BICC1: variants seen among roughly 807,000 people sequenced by gnomAD.
The protein encoded by BICC1 is BicC family RNA binding protein 1.
In BICC1, 43 loss-of-function variants were observed where a neutral mutation model predicts 111.0. The observed-to-expected ratio is 0.39, with a 90% CI of 0.30 to 0.50. The LOEUF is 0.50. Ranked by LOEUF, BICC1 falls within the 20% of genes least tolerant of loss-of-function variation. The pLI, the probability that BICC1 is intolerant of heterozygous loss-of-function variation, is 0.88. For missense variants in BICC1, 1,091 were observed against 1,203.2 expected (o/e 0.91, Z 1.38); for synonymous variants, 467 against 434.4 (o/e 1.07, Z -0.93).
chr10:58,693,009 C>G (rs909771012), intron 2 of BICC1, among the ~76,000 whole-genome samples: 1 of 152,246 alleles, frequency 6.6e-6, no homozygotes, highest in African/African-American at 2.4e-5. Context: ...TATCCCTCCC[C>G]ACTCTGCCCA....
At chr10:58,539,334 T>C (rs1261802536) in intron 1 of BICC1, among the ~76,000 whole-genome samples, 1 of 151,566 alleles carries the variant, frequency 6.6e-6, no homozygotes, top group Non-Finnish European at 1.5e-5. Context: ...GTTTCTAAGC[T>C]TATGGATATG....
intron 1 of BICC1, 133 bp downstream of exon 1, chr10:58,513,466 G>A (rs1426209771): frequency 2.5e-5 from 21 of 835,364 alleles, no homozygotes; most frequent in East Asian, 3.2e-5. Flanking sequence ...GCTCCCCCGC[G>A]GAGCCGGAGG....
intron 3 of BICC1, among the ~76,000 whole-genome samples, chr10:58,722,835 TTGAG>T (rs1840981298): frequency 6.6e-6 from 1 of 152,146 alleles, no homozygotes; most frequent in Non-Finnish European, 1.5e-5. Flanking sequence ...GGAAGCTTAT[TTGAG>T]TGAGCTTCTA....
intron 1 of BICC1, among the ~76,000 whole-genome samples, chr10:58,586,239 A>G (rs1844422753): frequency 6.6e-6 from 1 of 152,146 alleles, no homozygotes; most frequent in Non-Finnish European, 1.5e-5. Context: ...TTATTATTAT[A>G]TGTCTGCTAC....
At chr10:58,527,672 A>C (rs1162837603) in intron 1 of BICC1, among the ~76,000 whole-genome samples, 1 of 152,074 alleles carries the variant, frequency 6.6e-6, no homozygotes, top group Non-Finnish European at 1.5e-5. Flanking sequence ...CCATTTATTA[A>C]ATAGGGAATC....
intron 2 of BICC1, among the ~76,000 whole-genome samples, chr10:58,677,674 T>A (rs1173427172): frequency 6.6e-6 from 1 of 152,036 alleles, no homozygotes; most frequent in Non-Finnish European, 1.5e-5. Flanking sequence ...TAGGCCAACA[T>A]TCAAATTCAG....
At position 58,721,075 on chromosome 10, in the gene BICC1, C is replaced by T. The variant is rs555922018; in HGVS notation, c.307+18932C>T. 5.8e-4 allele frequency among the ~76,000 whole-genome samples: 89 copies of T among 152,300 alleles called. 1 individual carries two copies. The highest frequency in any genetic ancestry group is 1.0e-3 in the South Asian group (5 of 4,822). On this transcript the variant is annotated intron_variant, in intron 3 of 20. Transcript: ENST00000373886. ...ATTTACTCTTGCTGCAGAGCAGCCT[C>T]GAAGTATAACCTTTACTCAGTGAAG...
intron 2 of BICC1, among the ~76,000 whole-genome samples, chr10:58,655,853 G>A (rs549301700): frequency 4.0e-5 from 6 of 151,112 alleles, no homozygotes; most frequent in East Asian, 3.9e-4. Context: ...TTTGAAATAT[G>A]TCCCATCAAT....
At chr10:58,609,310 A>G (rs1845336167) in intron 1 of BICC1, among the ~76,000 whole-genome samples, 1 of 152,230 alleles carries the variant, frequency 6.6e-6, no homozygotes, top group Non-Finnish European at 1.5e-5. Flanking sequence ...AAACAGATAG[A>G]ACTTTGATTT....
intron 1 of BICC1, among the ~76,000 whole-genome samples, chr10:58,565,402 C>T (rs1339157688): frequency 6.6e-6 from 1 of 152,146 alleles, no homozygotes; most frequent in African/African-American, 2.4e-5. Flanking sequence ...ATCCTGTCCT[C>T]AGAGGAGCTG....
intron 1 of BICC1, among the ~76,000 whole-genome samples, 178 bp from the exon 2 acceptor site, chr10:58,620,677 A>G (rs1845773325): frequency 1.3e-5 from 2 of 152,196 alleles, no homozygotes; most frequent in South Asian, 4.1e-4. Flanking sequence ...TAATTGATGG[A>G]TTGGATTGCT....
At position 58,620,851 on chromosome 10, in the gene BICC1, A is replaced by G. The variant is rs767252870; in HGVS notation, c.191-4A>G. The stretch of plus-strand genomic sequence containing the variant: ...ATTTTAAATGTGCACATTTTTATTT[A>G]CAGCTGCTGCTGAAGGGAAAGGCAG... On this transcript the variant is annotated splice_polypyrimidine_tract_variant and splice_region_variant and intron_variant, in intron 1 of 20. Coordinates refer to ENST00000373886, the MANE Select transcript of BICC1 (RefSeq NM_001080512.3). 1 of 1,611,994 alleles carries G rather than the reference A, an allele frequency of 6.2e-7. No homozygotes were observed. The highest frequency in any genetic ancestry group is 8.5e-7 in the Non-Finnish European group (1 of 1,179,462).
intron 12 of BICC1, 76 bp from the exon 13 acceptor site, chr10:58,800,118 A>G: frequency 8.4e-7 from 1 of 1,195,344 alleles, no homozygotes; most frequent in Non-Finnish European, 1.2e-6. Flanking sequence ...GCTGTTATAA[A>G]TGGGATTGTG....
intron 1 of BICC1, among the ~76,000 whole-genome samples, chr10:58,572,187 G>A (rs572447030): frequency 5.4e-4 from 82 of 151,756 alleles, no homozygotes; most frequent in Non-Finnish European, 9.0e-4. Context: ...TTTTTTTCTC[G>A]TAAATTTGTC....
chr10:58,644,897 G>A (rs1345778126), intron 2 of BICC1, among the ~76,000 whole-genome samples: 1 of 152,064 alleles, frequency 6.6e-6, no homozygotes, highest in Non-Finnish European at 1.5e-5. Flanking sequence ...TATATTTTAA[G>A]TCAGAGCTGG....
At chr10:58,778,462 G>A (rs1842804204) in intron 3 of BICC1, among the ~76,000 whole-genome samples, 2 of 152,114 alleles carry the variant, frequency 1.3e-5, no homozygotes, top group South Asian at 4.1e-4. Flanking sequence ...ATTATATACA[G>A]TAGTCTTAAC....
chr10:58,819,309 T>C (rs540286962), intron 19 of BICC1, among the ~76,000 whole-genome samples: 1 of 152,320 alleles, frequency 6.6e-6, no homozygotes, highest in East Asian at 1.9e-4. Context: ...TGATAAATGA[T>C]GGCCTAAGGT....
intron 1 of BICC1, among the ~76,000 whole-genome samples, chr10:58,620,399 G>A (rs1477406003): frequency 6.6e-6 from 1 of 152,088 alleles, no homozygotes; most frequent in East Asian, 1.9e-4. Flanking sequence ...TATGATGCCA[G>A]CTGAAATTCA....
At chr10:58,761,612 G>A (rs1009824230) in intron 3 of BICC1, among the ~76,000 whole-genome samples, 2 of 152,128 alleles carry the variant, frequency 1.3e-5, no homozygotes, top group Admixed American at 6.5e-5. Context: ...AAGGAGTTGC[G>A]TCCCTGAAGA....
Sources: allele counts gnomAD v4.1 joint callset (sites outside exome capture counted in the v4.1 genomes callset), GRCh38; gene constraint gnomAD v4.1.1; transcripts MANE v1.5; gene names NCBI Gene and HGNC (gene_info 2026-07-23, HGNC 2026-07-21).